The following WWC1 variants were observed in gnomAD, a reference collection of about 807,000 sequenced individuals.
WWC1 encodes protein KIBRA.
A neutral mutation model predicts 138.4 loss-of-function variants in WWC1; 55 were observed. The ratio of observed to expected loss-of-function variants is 0.40; its 90% CI spans 0.32 to 0.50. WWC1 has a LOEUF of 0.50. Among genes scored for constraint, WWC1 ranks in the 20% least tolerant of loss-of-function variants. The pLI, the probability that WWC1 is intolerant of heterozygous loss-of-function variation, is 0.72. For synonymous variants in WWC1, 524 were observed against 564.9 expected, an observed-to-expected ratio of 0.93 and a Z score of 1.03; for missense variants, 1,226 against 1,420.4, an observed-to-expected ratio of 0.86 and a Z score of 2.20.
At position 168,460,991 on chromosome 5, in the gene WWC1, A is replaced by G. The variant is rs1756755749; in HGVS notation, c.2916+249A>G. On this transcript the variant is annotated intron_variant, in intron 20 of 22. Transcript: ENST00000265293. ...CAAATAGGTTAGATGAGGAGTGTGTACACTTGGCCTTGCCTTCCTAGATAG... is the reference window on the plus strand; with the variant it reads ...CAAATAGGTTAGATGAGGAGTGTGTGCACTTGGCCTTGCCTTCCTAGATAG... 2.0e-5 allele frequency among the ~76,000 whole-genome samples: 3 copies of G among 152,320 alleles called. No homozygotes were observed. The South Asian group carries it at 6.2e-4, about 32-fold the overall frequency.
intron 2 of WWC1, among the ~76,000 whole-genome samples, chr5:168,372,292 C>T (rs1366636471): frequency 6.6e-6 from 1 of 152,088 alleles, no homozygotes; most frequent in African/African-American, 2.4e-5. Context: ...TGTGTTTGGG[C>T]CTCATCCACT....
chr5:168,343,179 T>TGAGGCAGGAGAATGGCGTGAA (rs1220495667), intron 1 of WWC1, among the ~76,000 whole-genome samples: 13 of 151,508 alleles, frequency 8.6e-5, no homozygotes, highest in African/African-American at 1.9e-4. Context: ...GTCATAAAGT[T>TGAGGCAGGAGAATGGCGTGAA]CACTGTGCTA....
intron 19 of WWC1, among the ~76,000 whole-genome samples, chr5:168,460,198 A>G (rs1182493822): frequency 6.6e-6 from 1 of 152,194 alleles, no homozygotes; most frequent in African/African-American, 2.4e-5. Context: ...CATAGACACC[A>G]GGGAAGAGTT....
chr5:168,353,104 GT>G (rs542304455), intron 1 of WWC1, among the ~76,000 whole-genome samples: 7 of 152,064 alleles, frequency 4.6e-5, no homozygotes, highest in Admixed American at 1.3e-4. Flanking sequence ...CAAAGCCCAC[GT>G]TCCTTCTACC....
At chr5:168,379,779 G>A (rs1399933238) in intron 2 of WWC1, among the ~76,000 whole-genome samples, 2 of 152,064 alleles carry the variant, frequency 1.3e-5, no homozygotes, top group African/African-American at 2.4e-5. Flanking sequence ...ACAGTTGTTG[G>A]TACAACTGGT....
In WWC1 at chr5:168,438,994, A is replaced by G. The variant is rs543594575; in HGVS notation, c.2281-2688A>G. The stretch of plus-strand genomic sequence containing the variant: ...ACCCCAGCCTCACCATCTATCCTAT[A>G]TAGGTGACCACTTTGATTAATTTCT... On this transcript the variant is annotated intron_variant, in intron 15 of 22. Coordinates refer to ENST00000265293, the MANE Select transcript of WWC1 (RefSeq NM_015238.3). Among the ~76,000 whole-genome samples the G allele has an allele frequency of 7.0e-3, 1,068 of 152,242 alleles. 9 individuals carry two copies. Among genetic ancestry groups the G allele is most frequent in the South Asian group, 0.032 (156 of 4,820 alleles).
rs1308486295 is a variant in WWC1, at chr5:168,414,364, A to G, written c.958A>G (p.Ile320Val). The stretch of plus-strand genomic sequence containing the variant: ...GGCCCCCAGGATCGCCAACCTGAAG[A>G]TCCAGCTGGCCAAGCTTGACAGTGA... ...EAKRRIANLK[I>V]QLAKLDSEAW... The change falls in exon 9 of 23, where the codon ATC becomes GTC. Residue 320 changes from isoleucine to valine, a missense_variant. Ile to Val is a conservative substitution (Grantham distance 29, BLOSUM62 3). This residue lies in a region of WWC1 where 1,016 missense variants were observed against 1,153.9 expected (regional missense o/e 0.88). Transcript: ENST00000265293. The G allele has an allele frequency of 1.2e-6, 2 of 1,611,600 alleles. No individual in the cohort carries two copies. Among genetic ancestry groups the G allele is most frequent in the Non-Finnish European group, 1.7e-6 (2 of 1,179,162 alleles).
At chr5:168,372,984 G>A (rs1334419157) in intron 2 of WWC1, among the ~76,000 whole-genome samples, 1 of 152,252 alleles carries the variant, frequency 6.6e-6, no homozygotes, top group Non-Finnish European at 1.5e-5. Flanking sequence ...TGGCACCAAA[G>A]TGTAGAAGAG....
chr5:168,460,003 G>A (rs1317590136), intron 19 of WWC1, among the ~76,000 whole-genome samples: 2 of 152,162 alleles, frequency 1.3e-5, no homozygotes, highest in East Asian at 3.9e-4. Flanking sequence ...CTTAGATGGG[G>A]AATACTAGCC....
At chr5:168,378,537 C>T (rs1582091513) in intron 2 of WWC1, among the ~76,000 whole-genome samples, 1 of 152,126 alleles carries the variant, frequency 6.6e-6, no homozygotes, top group East Asian at 1.9e-4. Context: ...TCAGGGAAGA[C>T]TCTTTGTGTA....
intron 1 of WWC1, among the ~76,000 whole-genome samples, chr5:168,293,704 T>G (rs1423557071): frequency 6.6e-6 from 1 of 152,140 alleles, no homozygotes; most frequent in Non-Finnish European, 1.5e-5. Context: ...TTTAAAAAGT[T>G]TGCTTGGAAG....
chr5:168,392,853 G>C (rs896993938), intron 3 of WWC1, among the ~76,000 whole-genome samples: 2 of 152,140 alleles, frequency 1.3e-5, no homozygotes, highest in African/African-American at 4.8e-5. Flanking sequence ...AGAAAATAGA[G>C]ACTCAAACCA....
chr5:168,364,493 G>C (rs1419429534), intron 1 of WWC1, among the ~76,000 whole-genome samples: 2 of 152,188 alleles, frequency 1.3e-5, no homozygotes, highest in East Asian at 3.9e-4. Context: ...AATGTTGTGG[G>C]GATGACTCCC....
chr5:168,373,933 C>A (rs895148330), intron 2 of WWC1, among the ~76,000 whole-genome samples: 5 of 150,982 alleles, frequency 3.3e-5, no homozygotes, highest in African/African-American at 2.4e-5. Flanking sequence ...GTAATCCCAG[C>A]TGCTCAGGAG....
At chr5:168,466,500 T>C (rs912958847) in intron 21 of WWC1, among the ~76,000 whole-genome samples, 4 of 152,232 alleles carry the variant, frequency 2.6e-5, no homozygotes, top group Non-Finnish European at 4.4e-5. Flanking sequence ...ATCTCAGTGC[T>C]GAATACAGGT....
chr5:168,409,417 A>G (rs1026370833), intron 7 of WWC1, among the ~76,000 whole-genome samples: 1 of 152,194 alleles, frequency 6.6e-6, no homozygotes, highest in African/African-American at 2.4e-5. Flanking sequence ...CCATGTGTCC[A>G]GCTACTAGCC....
chr5:168,420,469 G>C (rs1350802493), intron 9 of WWC1, among the ~76,000 whole-genome samples: 1 of 152,144 alleles, frequency 6.6e-6, no homozygotes, highest in African/African-American at 2.4e-5. Flanking sequence ...CACATTTGGA[G>C]GTACTGCTGC....
intron 11 of WWC1, among the ~76,000 whole-genome samples, chr5:168,425,494 C>CTT (rs541197702): frequency 0.024 from 3,256 of 135,486 alleles, 116 homozygotes; most frequent in East Asian, 0.084. Flanking sequence ...TTTTAATCTC[C>CTT]TTTTTTTTTT....
chr5:168,392,645 ATTG>A (rs1312163652), intron 3 of WWC1, among the ~76,000 whole-genome samples: 1 of 152,212 alleles, frequency 6.6e-6, no homozygotes, highest in African/African-American at 2.4e-5. Flanking sequence ...GTGAGCTATG[ATTG>A]TGTACATTGC....
Sources: gnomAD v4.1 joint callset for allele counts (sites outside exome capture counted in the v4.1 genomes callset) on GRCh38, gnomAD v4.1.1 for gene constraint, gnomAD v4.1.1 regional missense constraint, MANE v1.5 for transcripts, NCBI Gene and HGNC (gene_info 2026-07-23, HGNC 2026-07-21) for gene names.